SLFN12: variants seen among roughly 807,000 people sequenced by gnomAD.
SLFN12 encodes schlafen family member 12, also known as ribonuclease SLFN12.
Under a neutral mutation model 29.1 loss-of-function variants are expected in SLFN12, and 25 were observed. The observed-to-expected ratio is 0.86, with a 90% CI of 0.63 to 1.20. The LOEUF (loss-of-function observed/expected upper bound fraction) is 1.20, where lower values mean the gene tolerates loss of function less well. Ranked by LOEUF, SLFN12 falls within the 50% of genes most tolerant of loss-of-function variation. SLFN12 has a pLI of 0.00. For synonymous variants in SLFN12, 257 were observed against 238.7 expected (o/e 1.08, Z -0.71); for missense variants, 660 against 666.2 (o/e 0.99, Z 0.10).
rs1217294524 is a variant in SLFN12 at position 35,422,194 on chromosome 17, C to G, written c.835G>C (p.Glu279Gln). 4 of 1,614,132 alleles carry G rather than the reference C, an allele frequency of 2.5e-6. No individual in the cohort carries two copies. Among genetic ancestry groups the G allele is most frequent in the Non-Finnish European group, 3.4e-6 (4 of 1,180,006 alleles). The change falls in exon 2 of 4, where the codon GAG (glutamate) becomes CAG (glutamine). Residue 279 changes from glutamate to glutamine, a missense_variant. Physicochemically the swap from Glu to Gln is conservative, Grantham distance 29. Coordinates refer to ENST00000304905, the MANE Select transcript of SLFN12 (RefSeq NM_018042.5). ...RKMPVHHFCM[E>Q]KKKINYSCKF... ...CATGAATAATTTATCTTCTTCTTCT[C>G]CATACAGAAGTGATGCACAGGCATC...
At chr17:35,416,213 T>G (rs1198252920) in intron 3 of SLFN12, among the ~76,000 whole-genome samples, 2 of 152,102 alleles carry the variant, frequency 1.3e-5, no homozygotes, top group African/African-American at 4.8e-5. Context: ...GCAACCTGAA[T>G]GGGGTGGGAA....
chr17:35,421,507 G>A (rs1911644790), intron 2 of SLFN12, among the ~76,000 whole-genome samples: 1 of 149,462 alleles, frequency 6.7e-6, no homozygotes, highest in African/African-American at 2.5e-5. Context: ...TCTTCTAAGG[G>A]TATAGAAGAA....
At chr17:35,423,975 T>A (rs1911853348) in intron 1 of SLFN12, among the ~76,000 whole-genome samples, 1 of 152,162 alleles carries the variant, frequency 6.6e-6, no homozygotes, top group South Asian at 2.1e-4. Context: ...CCTCCAGAAC[T>A]GTGAGTCATA....
chr17:35,413,486 G>A (rs954998371), intron 3 of SLFN12, among the ~76,000 whole-genome samples: 4 of 152,004 alleles, frequency 2.6e-5, no homozygotes, highest in East Asian at 1.9e-4. Flanking sequence ...AGTGGCTCAC[G>A]CCTGTAATCC....
intron 1 of SLFN12, among the ~76,000 whole-genome samples, chr17:35,427,713 C>T (rs1414196619): frequency 6.6e-6 from 1 of 152,124 alleles, no homozygotes; most frequent in African/African-American, 2.4e-5. Context: ...TAATTTCATA[C>T]ATGGTATTAA....
rs998281586 is a variant in SLFN12, at chr17:35,411,244, A to T, written c.*94T>A. The stretch of plus-strand genomic sequence containing the variant: ...ATCCAACATCACATTAAGTTGCTTA[A>T]CTTGCAAAGTTTTCAAAGAAATATT... On this transcript the variant is annotated 3_prime_UTR_variant, in exon 4 of 4. Coordinates refer to ENST00000304905, the MANE Select transcript of SLFN12 (RefSeq NM_018042.5). The T allele has an allele frequency of 1.2e-5, 12 of 976,938 alleles. No homozygotes were observed. The African/African-American group carries it at 1.6e-4, about 13-fold the overall frequency. 60.5% of individuals were successfully genotyped at this position (976,938 alleles called of 1,614,324 possible). A position where few individuals can be genotyped will look rare whatever the true frequency, so the allele number is the denominator to read the frequency against.
chr17:35,431,702 T>C (rs1231164989), intron 1 of SLFN12, among the ~76,000 whole-genome samples: 2 of 152,138 alleles, frequency 1.3e-5, no homozygotes, highest in African/African-American at 4.8e-5. Flanking sequence ...GATGAAGGCC[T>C]TGACTTCTAG....
intron 3 of SLFN12, among the ~76,000 whole-genome samples, chr17:35,414,933 C>T (rs993017630): frequency 6.6e-6 from 1 of 152,030 alleles, no homozygotes; most frequent in Non-Finnish European, 1.5e-5. Context: ...TGAAAATGAC[C>T]ATACTGACAA....
At position 35,411,679 on chromosome 17, in the gene SLFN12, ACTC is replaced by A. The variant is rs1567842636; in HGVS notation, c.1393_1395del (p.Glu465del). 9 of 1,613,750 alleles carry A rather than the reference ACTC, an allele frequency of 5.6e-6. No homozygotes were observed. In the Admixed American group the frequency reaches 1.5e-4, roughly 27 times the overall value. On this transcript the variant is annotated inframe_deletion, in exon 4 of 4. Transcript: ENST00000304905. ...GCAGTTTGTGTAGAATAGCCTTTAA[ACTC>A]CTCATCCTGTACCATGTGGAAGGTG...
At chr17:35,419,437 A>C (rs1911499835) in intron 3 of SLFN12, among the ~76,000 whole-genome samples, 2 of 152,120 alleles carry the variant, frequency 1.3e-5, no homozygotes, top group Admixed American at 6.5e-5. Context: ...GAAAAAGACA[A>C]AGCTTATTAG....
chr17:35,422,372 T>C lies in SLFN12; in HGVS notation c.657A>G (p.Lys219=). ...CAGAAACATATTGAGGGAGAATCTC[T>C]TTAATTCGTTGTAACAACTTTTCTG... ...FSTEKLLQRI[K]EILPQYVSAF... The change falls in exon 2 of 4, where the codon AAA becomes AAG. Residue 219 remains lysine (K), a synonymous_variant. Coordinates refer to ENST00000304905, the MANE Select transcript of SLFN12 (RefSeq NM_018042.5). 2 of 1,614,030 alleles carry C rather than the reference T, an allele frequency of 1.2e-6. No individual in the cohort carries two copies. The highest frequency in any genetic ancestry group is 1.7e-6 in the Non-Finnish European group (2 of 1,179,966).
chr17:35,420,977 G>A (rs963398867), intron 2 of SLFN12: 7 of 152,116 alleles, frequency 4.6e-5, no homozygotes, highest in African/African-American at 1.7e-4. Flanking sequence ...GGAGGCCGAG[G>A]CGGGTGAATT....
At chr17:35,427,839 C>A (rs1379136145) in intron 1 of SLFN12, among the ~76,000 whole-genome samples, 1 of 152,108 alleles carries the variant, frequency 6.6e-6, no homozygotes, top group Non-Finnish European at 1.5e-5. Flanking sequence ...ATGCTAATCA[C>A]ACAGTCTAAT....
chr17:35,413,775 G>A lies in SLFN12; in HGVS notation c.1148-1848C>T, dbSNP rs115990652. On this transcript the variant is annotated intron_variant, in intron 3 of 3. Coordinates refer to ENST00000304905, the MANE Select transcript of SLFN12 (RefSeq NM_018042.5). The stretch of plus-strand genomic sequence containing the variant: ...AAAAAAAAAAAAAAAGAAAAAAAAA[G>A]ATCATTCATCATAATAAGTGGGATT... Among the ~76,000 whole-genome samples, 1,381 of 147,580 alleles carry A rather than the reference G, an allele frequency of 9.4e-3. 22 individuals carry two copies. The highest frequency in any genetic ancestry group is 0.032 in the African/African-American group (1,293 of 40,384).
intron 3 of SLFN12, 143 bp downstream of exon 3, chr17:35,420,131 A>G (rs1378260156): frequency 3.2e-6 from 2 of 615,782 alleles, no homozygotes; most frequent in Admixed American, 6.5e-5. Flanking sequence ...GATTTGACAG[A>G]TTCAATGACT....
chr17:35,417,147 A>G (rs1911363306), intron 3 of SLFN12, among the ~76,000 whole-genome samples: 1 of 152,290 alleles, frequency 6.6e-6, no homozygotes, highest in East Asian at 1.9e-4. Context: ...ATTTAGATAC[A>G]GAAATTCTAA....
At chr17:35,421,817 G>A (rs34632588) in intron 2 of SLFN12, among the ~76,000 whole-genome samples, 173 bp downstream of exon 2, 4,465 of 151,768 alleles carry the variant, frequency 0.029, 195 homozygotes, top group African/African-American at 0.092. Context: ...TGGGAATACA[G>A]ACGTGAGCCA....
At chr17:35,424,710 A>G (rs1456888158) in intron 1 of SLFN12, among the ~76,000 whole-genome samples, 1 of 152,172 alleles carries the variant, frequency 6.6e-6, no homozygotes, top group Admixed American at 6.5e-5. Flanking sequence ...TCCTGATCAC[A>G]TGTAAACAAT....
At position 35,411,300 on chromosome 17, in the gene SLFN12, A is replaced by G. The variant is rs199804662; in HGVS notation, c.*38T>C. The stretch of plus-strand genomic sequence containing the variant: ...AGAATTAGAGAATGTTATCAAATAT[A>G]TAATGAAAAATATCTCAGTAGCCCA... On this transcript the variant is annotated 3_prime_UTR_variant, in exon 4 of 4. Transcript: ENST00000304905. 9.3e-4 allele frequency: 1,228 copies of G among 1,321,644 alleles called. 2 individuals carry two copies. Among genetic ancestry groups the G allele is most frequent in the Non-Finnish European group, 1.1e-3 (1,046 of 971,374 alleles). 81.9% of individuals were successfully genotyped at this position (1,321,644 alleles called of 1,614,324 possible). A position where few individuals can be genotyped will look rare whatever the true frequency, so the allele number is the denominator to read the frequency against.
Sources: gnomAD v4.1 joint callset for allele counts (sites outside exome capture counted in the v4.1 genomes callset) on GRCh38, gnomAD v4.1.1 for gene constraint, MANE v1.5 for transcripts, NCBI Gene and HGNC (gene_info 2026-07-23, HGNC 2026-07-21) for gene names.